GRB10: variants seen among roughly 807,000 people sequenced by gnomAD.
GRB10 encodes growth factor receptor-bound protein 10.
GRB10 carries 20 observed loss-of-function variants against 80.9 expected under a neutral mutation model. The ratio of observed to expected loss-of-function variants is 0.25; its 90% CI spans 0.17 to 0.36. The LOEUF is 0.36. Ranked by LOEUF, GRB10 falls within the 10% of genes least tolerant of loss-of-function variation. The pLI, the probability that GRB10 is intolerant of heterozygous loss-of-function variation, is 1.00. For missense variants in GRB10, 548 were observed against 747.7 expected (o/e 0.73, Z 3.12); for synonymous variants, 291 against 291.5 (o/e 1.00, Z 0.02).
At chr7:50,750,266 A>C (rs943993337) in intron 3 of GRB10, among the ~76,000 whole-genome samples, 3 of 152,144 alleles carry the variant, frequency 2.0e-5, no homozygotes, top group Admixed American at 2.0e-4. Context: ...TTCTTTTTTT[A>C]ATCATAAATT....
chr7:50,593,615 T>C (rs2046113779), intron 18 of GRB10, among the ~76,000 whole-genome samples: 1 of 152,172 alleles, frequency 6.6e-6, no homozygotes, highest in Non-Finnish European at 1.5e-5. Context: ...GGTCCCTGAA[T>C]ATGGGGCAGT....
rs781433438 is a variant in GRB10, at chr7:50,669,877, A to G, written c.363-14T>C. 6 of 1,604,982 alleles carry G rather than the reference A, an allele frequency of 3.7e-6. No homozygotes were observed. Among genetic ancestry groups the G allele is most frequent in the Non-Finnish European group, 4.3e-6 (5 of 1,175,480 alleles). On this transcript the variant is annotated splice_polypyrimidine_tract_variant and intron_variant, in intron 6 of 18. Transcript: ENST00000401949. ...TCCTGAAGGCGCCTGGAAGGCAGGG[A>G]TAAGTGCCTGTTAAAAGCTGCCATT...
intron 2 of GRB10, among the ~76,000 whole-genome samples, chr7:50,757,144 T>C (rs1291203320): frequency 6.6e-6 from 1 of 152,188 alleles, no homozygotes; most frequent in Admixed American, 6.5e-5. Flanking sequence ...TGAACATGCT[T>C]GCTAAAAATC....
intron 2 of GRB10, among the ~76,000 whole-genome samples, chr7:50,773,449 AAGGGAGGGG>A (rs2077211427): frequency 2.4e-5 from 1 of 41,484 alleles, no homozygotes; most frequent in Non-Finnish European, 4.9e-5. Context: ...GAGAAAGGGG[AAGGGAGGGG>A]AGGGGAAGGC....
At chr7:50,641,842 C>T (rs2056319722) in intron 7 of GRB10, among the ~76,000 whole-genome samples, 1 of 152,180 alleles carries the variant, frequency 6.6e-6, no homozygotes, top group Non-Finnish European at 1.5e-5. Context: ...GCTCAGTGGC[C>T]TGAGGATTTA....
intron 8 of GRB10, among the ~76,000 whole-genome samples, chr7:50,624,716 C>T (rs1007497733): frequency 5.3e-5 from 8 of 152,030 alleles, no homozygotes; most frequent in Non-Finnish European, 8.8e-5. Flanking sequence ...CTAATAAGAA[C>T]GGGACTGGTG....
At chr7:50,645,537 C>A (rs2057045008) in intron 7 of GRB10, 2 of 845,414 alleles carry the variant, frequency 2.4e-6, no homozygotes, top group Admixed American at 1.2e-4. Context: ...CTGCTGAGCA[C>A]CAGCTCAGAA....
intron 3 of GRB10, among the ~76,000 whole-genome samples, chr7:50,751,668 C>T (rs181655682): frequency 2.4e-4 from 36 of 152,308 alleles, no homozygotes; most frequent in African/African-American, 8.2e-4. Flanking sequence ...CAAAATGCAT[C>T]CGTTTGCACA....
rs1308352904 is a variant in GRB10, at chr7:50,591,355, G to A, written c.*1597C>T. Reference sequence around the variant, plus strand: ...CTGCTCTAGGCTACGGGGGTTGACTGAGGAGCAGAGAAATGCTGTTCCTTA... The same window carrying A: ...CTGCTCTAGGCTACGGGGGTTGACTAAGGAGCAGAGAAATGCTGTTCCTTA... On this transcript the variant is annotated 3_prime_UTR_variant, in exon 19 of 19. Coordinates refer to ENST00000401949, the MANE Select transcript of GRB10 (RefSeq NM_001350814.2). 1 of 152,272 alleles carries A rather than the reference G, an allele frequency of 6.6e-6. No individual in the cohort carries two copies. The highest frequency in any genetic ancestry group is 2.4e-5 in the African/African-American group (1 of 41,460). 9.4% of individuals were successfully genotyped at this position (152,272 alleles called of 1,614,324 possible).
chr7:50,645,956 G>C (rs937631715), intron 7 of GRB10, among the ~76,000 whole-genome samples: 2 of 152,014 alleles, frequency 1.3e-5, no homozygotes, highest in African/African-American at 4.8e-5. Flanking sequence ...ACAGCCCTTG[G>C]CATTATTTAT....
At chr7:50,783,292 C>T (rs556832267), upstream of GRB10, among the ~76,000 whole-genome samples, 1 of 152,290 alleles carries the variant, frequency 6.6e-6, no homozygotes, top group South Asian at 2.1e-4. Context: ...TTCTGGAAGC[C>T]ACAGGCATAA....
chr7:50,772,230 ACCACAAAATGG>A (rs1415436727), intron 2 of GRB10, among the ~76,000 whole-genome samples: 2 of 152,154 alleles, frequency 1.3e-5, no homozygotes, highest in African/African-American at 4.8e-5. Context: ...AACCCTCAAG[ACCACAAAATGG>A]CCACTAGGTC....
chr7:50,704,832 A>AGAGGCGGCCACT, intron 4 of GRB10, among the ~76,000 whole-genome samples: 1 of 152,350 alleles, frequency 6.6e-6, no homozygotes, highest in South Asian at 2.1e-4. Flanking sequence ...CTCTCGCCAC[A>AGAGGCGGCCACT]GAGGCGGCCA....
rs1563228054 is a variant in GRB10 at position 50,633,657 on chromosome 7, AG to A, written c.505-6680del. Among the ~76,000 whole-genome samples the A allele has an allele frequency of 7.9e-4, 120 of 152,134 alleles. 1 individual carries two copies. Among genetic ancestry groups the A allele is most frequent in the African/African-American group, 2.8e-3 (116 of 41,484 alleles). ...AGTTGAAAACCAACACAAAAAAACC[AG>A]AAGAGTAATTCTGGAGATGAAAGAT... On this transcript the variant is annotated intron_variant, in intron 7 of 18. Coordinates refer to ENST00000401949, the MANE Select transcript of GRB10 (RefSeq NM_001350814.2).
At chr7:50,715,240 A>C (rs925030299) in intron 4 of GRB10, among the ~76,000 whole-genome samples, 1 of 151,522 alleles carries the variant, frequency 6.6e-6, no homozygotes, top group Non-Finnish European at 1.5e-5. Context: ...TGGAGCAGGG[A>C]AGGGCATGGA....
At chr7:50,700,926 T>C (rs1416885653) in intron 5 of GRB10, among the ~76,000 whole-genome samples, 1 of 152,254 alleles carries the variant, frequency 6.6e-6, no homozygotes, top group Non-Finnish European at 1.5e-5. Context: ...AGTCTCTGTC[T>C]GTTGGGTAGA....
intron 1 of GRB10, chr7:50,792,775 G>A (rs2078986332): frequency 9.5e-6 from 2 of 210,648 alleles, no homozygotes; most frequent in African/African-American, 4.7e-5. Flanking sequence ...GAGCACCCGG[G>A]GCTGCAGGGA....
At chr7:50,627,716 C>G (rs963160) in intron 7 of GRB10, among the ~76,000 whole-genome samples, 51,410 of 152,142 alleles carry the variant, frequency 0.34, 10,114 homozygotes, top group African/African-American at 0.55. Flanking sequence ...GACCCTGCAG[C>G]AATGCACCCT....
At chr7:50,705,255 C>T (rs2064877778) in intron 4 of GRB10, 1 of 985,686 alleles carries the variant, frequency 1.0e-6, no homozygotes, top group African/African-American at 1.7e-5. Flanking sequence ...TCACCCACAT[C>T]TACCACTTAG....
Sources: gnomAD v4.1 joint callset for allele counts (sites outside exome capture counted in the v4.1 genomes callset) on GRCh38, gnomAD v4.1.1 for gene constraint, MANE v1.5 for transcripts, NCBI Gene and HGNC (gene_info 2026-07-23, HGNC 2026-07-21) for gene names.